Variants in CYP3A4 observed in about 807,000 individuals in gnomAD.
CYP3A4 encodes the protein cytochrome P450 family 3 subfamily A member 4.
Under a neutral mutation model 54.9 loss-of-function variants are expected in CYP3A4, and 41 were observed. The observed-to-expected ratio is 0.75, with a 90% confidence interval of 0.58 to 0.97. The LOEUF is 0.97. Ranked by LOEUF, CYP3A4 falls within the 50% of genes least tolerant of loss-of-function variation. CYP3A4 has a pLI of 0.00. For missense variants in CYP3A4, 510 were observed against 597.3 expected (o/e 0.85, Z 1.52); for synonymous variants, 179 against 205.2 (o/e 0.87, Z 1.09).
intron 10 of CYP3A4, among the ~76,000 whole-genome samples, chr7:99,763,063 C>G (rs1775406454): frequency 6.6e-6 from 1 of 152,186 alleles, no homozygotes; most frequent in Non-Finnish European, 1.5e-5. Flanking sequence ...ATCCTGGTTC[C>G]TAGCTTGGCT....
At chr7:99,775,382 A>C (rs1418285760) in intron 3 of CYP3A4, among the ~76,000 whole-genome samples, 1 of 152,190 alleles carries the variant, frequency 6.6e-6, no homozygotes, top group Non-Finnish European at 1.5e-5. Context: ...CCACATAGAC[A>C]AGACAATCCT....
chr7:99,761,068 C>T (rs1815312105), intron 11 of CYP3A4, 87 bp from the exon 12 acceptor site: 4 of 1,434,770 alleles, frequency 2.8e-6, no homozygotes, highest in Non-Finnish European at 3.8e-6. Flanking sequence ...TAGGGGCCAC[C>T]CCTCAACTAG....
intron 6 of CYP3A4, chr7:99,769,455 T>C (rs1815570367): frequency 1.1e-5 from 4 of 373,142 alleles, no homozygotes; most frequent in East Asian, 6.1e-5. Context: ...ATACACTCCA[T>C]GCTTAAAACT....
At chr7:99,770,058 T>A in intron 5 of CYP3A4, 64 bp downstream of exon 5, 1 of 1,561,730 alleles carries the variant, frequency 6.4e-7, no homozygotes, top group Admixed American at 1.7e-5. Flanking sequence ...TGATCTTATT[T>A]TATACCTGTC....
At chr7:99,765,616 G>T (rs1258990757) in intron 9 of CYP3A4, among the ~76,000 whole-genome samples, 1 of 152,126 alleles carries the variant, frequency 6.6e-6, no homozygotes, top group Non-Finnish European at 1.5e-5. Flanking sequence ...CTGCTCTCTA[G>T]AACCAATAGT....
chr7:99,757,166 G>A lies in CYP3A4; in HGVS notation c.*967C>T, dbSNP rs778800540. 1 of 152,096 alleles carries A rather than the reference G, an allele frequency of 6.6e-6. No homozygotes were observed. Among genetic ancestry groups the A allele is most frequent in the Non-Finnish European group, 1.5e-5 (1 of 68,020 alleles). 9.4% of individuals were successfully genotyped at this position (152,096 alleles called of 1,614,324 possible). ...TTCAGTTCTTTGTTACAAAATGTACGTGCTTCAAAAAGGCATATTTTTTTA... is the reference window on the plus strand; with the variant it reads ...TTCAGTTCTTTGTTACAAAATGTACATGCTTCAAAAAGGCATATTTTTTTA... On this transcript the variant is annotated 3_prime_UTR_variant, in exon 13 of 13. Coordinates refer to ENST00000651514, the MANE Select transcript of CYP3A4 (RefSeq NM_017460.6).
intron 7 of CYP3A4, among the ~76,000 whole-genome samples, chr7:99,767,713 C>G (rs1275792361): frequency 1.3e-5 from 2 of 152,136 alleles, no homozygotes; most frequent in Non-Finnish European, 2.9e-5. Context: ...AATTGAGAAA[C>G]TCACACATAT....
At chr7:99,769,728 T>C (rs1327461319) in intron 6 of CYP3A4, 40 bp downstream of exon 6, 2 of 1,612,658 alleles carry the variant, frequency 1.2e-6, no homozygotes, top group Non-Finnish European at 1.7e-6. Context: ...CTGGAGGGGT[T>C]CATGACAGCT....
chr7:99,761,901 T>G, intron 11 of CYP3A4, 140 bp downstream of exon 11: 1 of 813,188 alleles, frequency 1.2e-6, no homozygotes, highest in Non-Finnish European at 1.9e-6. Context: ...ATAATCAATT[T>G]GATGATTAAA....
At chr7:99,768,008 A>G (rs918668360) in intron 7 of CYP3A4, among the ~76,000 whole-genome samples, 1 of 152,234 alleles carries the variant, frequency 6.6e-6, no homozygotes, top group African/African-American at 2.4e-5. Flanking sequence ...GATACAGACT[A>G]AAGTACAAAT....
intron 1 of CYP3A4, among the ~76,000 whole-genome samples, chr7:99,780,458 T>C (rs533356479): frequency 3.9e-5 from 6 of 152,312 alleles, no homozygotes; most frequent in African/African-American, 1.2e-4. Flanking sequence ...ATTTGGGGAT[T>C]CTCATCCTAG....
chr7:99,784,064 G>C lies in CYP3A4; in HGVS notation c.18C>G (p.Asp6Glu), dbSNP rs140355261. The C allele has an allele frequency of 6.2e-7, 1 of 1,614,006 alleles. No individual in the cohort carries two copies. The highest frequency in any genetic ancestry group is 1.7e-5 in the Admixed American group (1 of 60,014). MALIP[D>E]LAMETWLLLA... ...GGAGAAGCCAGGTTTCCATGGCCAA[G>C]TCTGGGATGAGAGCCATCACTACTT... The change falls in exon 1 of 13, where the codon GAC becomes GAG. Residue 6 changes from aspartate to glutamate, a missense_variant. This residue lies in a region of CYP3A4 where 272 missense variants were observed against 274.9 expected (regional missense o/e 0.99). Transcript: ENST00000651514.
intron 3 of CYP3A4, among the ~76,000 whole-genome samples, chr7:99,774,280 T>C (rs1261485563): frequency 1.3e-5 from 2 of 152,074 alleles, no homozygotes; most frequent in African/African-American, 4.8e-5. Flanking sequence ...GGAGCTGTTA[T>C]CATTCCTTCT....
At chr7:99,774,816 A>G (rs1429682693) in intron 3 of CYP3A4, among the ~76,000 whole-genome samples, 1 of 152,214 alleles carries the variant, frequency 6.6e-6, no homozygotes, top group Non-Finnish European at 1.5e-5. Context: ...ACTCCTATTC[A>G]ACATAGTGTC....
At chr7:99,763,763 G>T in intron 10 of CYP3A4, 92 bp downstream of exon 10, 1 of 1,472,414 alleles carries the variant, frequency 6.8e-7, no homozygotes. Flanking sequence ...CAGTGATTAT[G>T]CTTTTTATAA....
At position 99,780,068 on chromosome 7, in the gene CYP3A4, T is replaced by C. The variant is rs1488928031; in HGVS notation, c.89A>G (p.His30Arg). Residue 30 changes from histidine to arginine, a missense_variant, in exon 2 of 13, where the codon CAT (histidine) becomes CGT (arginine). His to Arg is a conservative substitution (Grantham distance 29). Transcript: ENST00000651514. Reference sequence around the variant, plus strand: ...AATTCCAAGCTTCTTAAAAAGTCCATGTGAATGGGTTCCATATCTACAAAG... The same window carrying C: ...AATTCCAAGCTTCTTAAAAAGTCCACGTGAATGGGTTCCATATCTACAAAG... The part of the protein sequence containing the change: ...VLLYLYGTHS[H>R]GLFKKLGIPG... 2.5e-6 allele frequency: 4 copies of C among 1,613,300 alleles called. No individual in the cohort carries two copies. The highest frequency in any genetic ancestry group is 3.3e-5 in the Admixed American group (2 of 59,958).
intron 1 of CYP3A4, among the ~76,000 whole-genome samples, chr7:99,781,751 G>A (rs1815931239): frequency 6.6e-6 from 1 of 152,176 alleles, no homozygotes; most frequent in Non-Finnish European, 1.5e-5. Context: ...TTAGCTAAAA[G>A]GTAGGGGCCT....
intron 4 of CYP3A4, among the ~76,000 whole-genome samples, chr7:99,771,583 C>G (rs542545421): frequency 1.3e-5 from 2 of 152,076 alleles, no homozygotes; most frequent in South Asian, 4.1e-4. Context: ...AATAACAGCA[C>G]GTTTATTTGT....
At chr7:99,767,311 A>G (rs1815500943) in intron 7 of CYP3A4, 53 bp from the exon 8 acceptor site, 3 of 1,502,366 alleles carry the variant, frequency 2.0e-6, no homozygotes, top group Admixed American at 2.2e-5. Context: ...TGAATGTGCA[A>G]AATTTACCTG....
Sources: gnomAD v4.1 joint callset for allele counts (sites outside exome capture counted in the v4.1 genomes callset) on GRCh38, gnomAD v4.1.1 for gene constraint, gnomAD v4.1.1 regional missense constraint, MANE v1.5 for transcripts, NCBI Gene and HGNC (gene_info 2026-07-23, HGNC 2026-07-21) for gene names.